Variants in RIT2 observed in about 807,000 individuals in gnomAD.
RIT2 encodes GTP-binding protein Rit2.
RIT2 carries 24 observed loss-of-function variants against 23.7 expected under a neutral mutation model. The observed-to-expected ratio is 1.01, with a 90% CI of 0.73 to 1.43. The LOEUF (loss-of-function observed/expected upper bound fraction) is 1.43. Among genes scored for constraint, RIT2 ranks in the 40% most tolerant of loss-of-function variants. The pLI is 0.00. For synonymous variants in RIT2, 107 were observed against 91.1 expected, an observed-to-expected ratio of 1.17 and a Z score of -0.99; for missense variants, 236 against 266.9, an observed-to-expected ratio of 0.88 and a Z score of 0.81.
chr18:42,875,129 T>C (rs1239841279), intron 4 of RIT2, among the ~76,000 whole-genome samples: 4 of 152,084 alleles, frequency 2.6e-5, no homozygotes, highest in Non-Finnish European at 5.9e-5. Context: ...CCACCTCTTT[T>C]CCCCACTTCC....
chr18:42,928,653 T>A (rs1032983031), intron 3 of RIT2, among the ~76,000 whole-genome samples: 2 of 152,000 alleles, frequency 1.3e-5, no homozygotes, highest in Non-Finnish European at 2.9e-5. Context: ...ATCATGAATT[T>A]ACTATAATTT....
chr18:42,910,286 TA>T (rs1240954281), intron 4 of RIT2, among the ~76,000 whole-genome samples: 2 of 151,970 alleles, frequency 1.3e-5, no homozygotes, highest in Admixed American at 1.3e-4. Flanking sequence ...CTAAACCAAT[TA>T]AAAGGTAGTG....
At chr18:42,877,026 G>C (rs1209124451) in intron 4 of RIT2, among the ~76,000 whole-genome samples, 1 of 151,754 alleles carries the variant, frequency 6.6e-6, no homozygotes, top group Non-Finnish European at 1.5e-5. Flanking sequence ...TAGCCACAGA[G>C]AACATTTATT....
At position 42,868,847 on chromosome 18, in the gene RIT2, T is replaced by C. The variant is rs933120957; in HGVS notation, c.426+54725A>G. ...ATCATCACAGAATCAGGAACCTCAA[T>C]GGCCTTTTTTTCCCCAGCCTTTCTC... On this transcript the variant is annotated intron_variant, in intron 4 of 4. Transcript: ENST00000326695. Among the ~76,000 whole-genome samples the C allele has an allele frequency of 2.0e-5, 3 of 152,188 alleles. No individual in the cohort carries two copies. In the East Asian group the frequency reaches 5.8e-4, roughly 29 times the overall value.
At chr18:42,809,804 T>G (rs1401554179) in intron 4 of RIT2, among the ~76,000 whole-genome samples, 1 of 146,062 alleles carries the variant, frequency 6.8e-6, no homozygotes, top group Non-Finnish European at 1.5e-5. Flanking sequence ...ACTGATTTGA[T>G]CTTTATAACT....
chr18:43,018,617 C>T (rs72642417), intron 2 of RIT2, among the ~76,000 whole-genome samples: 18,532 of 151,794 alleles, frequency 0.12, 1,473 homozygotes, highest in East Asian at 0.42. Flanking sequence ...AATGAAAAGA[C>T]ATATTTAAAG....
intron 3 of RIT2, among the ~76,000 whole-genome samples, chr18:42,949,268 A>G (rs1049769931): frequency 2.6e-5 from 4 of 152,104 alleles, no homozygotes; most frequent in Non-Finnish European, 5.9e-5. Flanking sequence ...CTCTGAATAA[A>G]GGAGTCAGTC....
At chr18:42,985,302 A>G (rs1910685163) in intron 2 of RIT2, among the ~76,000 whole-genome samples, 1 of 152,168 alleles carries the variant, frequency 6.6e-6, no homozygotes, top group Non-Finnish European at 1.5e-5. Context: ...GGTATATGCC[A>G]TGTTTATGGG....
At chr18:42,750,661 T>C (rs575221111) in intron 4 of RIT2, among the ~76,000 whole-genome samples, 53 of 151,946 alleles carry the variant, frequency 3.5e-4, no homozygotes, top group Middle Eastern at 3.4e-3. Context: ...TGCTAACAAA[T>C]ACATTAAGAA....
chr18:42,754,019 G>T (rs1318218056), intron 4 of RIT2, among the ~76,000 whole-genome samples: 3 of 152,192 alleles, frequency 2.0e-5, no homozygotes, highest in Non-Finnish European at 4.4e-5. Context: ...TGACAGATCA[G>T]AGTGTGCTTA....
At chr18:42,924,937 G>A (rs575769631) in intron 3 of RIT2, among the ~76,000 whole-genome samples, 22 of 152,206 alleles carry the variant, frequency 1.4e-4, no homozygotes, top group African/African-American at 4.8e-4. Context: ...GAGTTAATAA[G>A]TGAATTTCAC....
At position 43,098,240 on chromosome 18, in the gene RIT2, A is replaced by T. The variant is rs548502205; in HGVS notation, c.103+17177T>A. Among the ~76,000 whole-genome samples the T allele has an allele frequency of 3.3e-5, 5 of 152,070 alleles. No homozygotes were observed. The South Asian group carries it at 1.0e-3, about 31-fold the overall frequency. ...GTATTAGAAAGTCCTTTTCTAAGGGATCAGAACGATTCTAGGTGATAATCT... is the reference window on the plus strand; with the variant it reads ...GTATTAGAAAGTCCTTTTCTAAGGGTTCAGAACGATTCTAGGTGATAATCT... On this transcript the variant is annotated intron_variant, in intron 1 of 4. Coordinates refer to ENST00000326695, the MANE Select transcript of RIT2 (RefSeq NM_002930.4).
At chr18:43,033,928 T>C in intron 1 of RIT2, 61 bp from the exon 2 acceptor site, 1 of 1,139,498 alleles carries the variant, frequency 8.8e-7, no homozygotes, top group African/African-American at 1.5e-5. Flanking sequence ...ATAAGTTATT[T>C]ACCAACATAG....
At chr18:42,912,345 C>T (rs973708219) in intron 4 of RIT2, among the ~76,000 whole-genome samples, 6 of 151,758 alleles carry the variant, frequency 4.0e-5, no homozygotes, top group Non-Finnish European at 8.8e-5. Context: ...ACATTGAATG[C>T]TTTGCTTCTA....
chr18:42,865,424 G>A (rs1415608356), intron 4 of RIT2, among the ~76,000 whole-genome samples: 3 of 152,082 alleles, frequency 2.0e-5, no homozygotes, highest in African/African-American at 7.2e-5. Context: ...GTATATTATG[G>A]CATCTCAAGT....
chr18:42,816,767 G>C (rs531434612), intron 4 of RIT2, among the ~76,000 whole-genome samples: 1 of 152,146 alleles, frequency 6.6e-6, no homozygotes, highest in Admixed American at 6.5e-5. Context: ...TCCATTATAG[G>C]ATAAAAAAAC....
At chr18:43,006,938 C>A (rs1911242139) in intron 2 of RIT2, among the ~76,000 whole-genome samples, 1 of 150,374 alleles carries the variant, frequency 6.7e-6, no homozygotes, top group African/African-American at 2.4e-5. Context: ...GATAGAAAAA[C>A]CAAAAAGAAG....
At chr18:43,067,732 G>A (rs1381198495) in intron 1 of RIT2, among the ~76,000 whole-genome samples, 1 of 152,094 alleles carries the variant, frequency 6.6e-6, no homozygotes, top group East Asian at 1.9e-4. Context: ...TCAGACTTAA[G>A]GTCTATGTTA....
At chr18:42,905,309 GA>G (rs1387252297) in intron 4 of RIT2, among the ~76,000 whole-genome samples, 1 of 152,128 alleles carries the variant, frequency 6.6e-6, no homozygotes, top group African/African-American at 2.4e-5. Flanking sequence ...AATAATGTGT[GA>G]AACAAGAGCA....
Sources: gnomAD v4.1 joint callset for allele counts (sites outside exome capture counted in the v4.1 genomes callset) on GRCh38, gnomAD v4.1.1 for gene constraint, MANE v1.5 for transcripts, NCBI Gene and HGNC (gene_info 2026-07-23, HGNC 2026-07-21) for gene names.